The following ADAMTSL1 variants were observed in gnomAD, a reference collection of about 807,000 sequenced individuals.
The protein encoded by ADAMTSL1 is ADAMTS-like protein 1.
ADAMTSL1 carries 126 observed loss-of-function variants against 201.8 expected under a neutral mutation model. The ratio of observed to expected loss-of-function variants is 0.62; its 90% CI spans 0.54 to 0.72. The LOEUF (loss-of-function observed/expected upper bound fraction) is 0.72, where lower values mean the gene tolerates loss of function less well. Among genes scored for constraint, ADAMTSL1 ranks in the 30% least tolerant of loss-of-function variants. The pLI, the probability that ADAMTSL1 is intolerant of heterozygous loss-of-function variation, is 0.00. For synonymous variants in ADAMTSL1, 1,121 were observed against 903.4 expected, an observed-to-expected ratio of 1.24 and a Z score of -4.32; for missense variants, 2,679 against 2,277.8, an observed-to-expected ratio of 1.18 and a Z score of -3.59.
At chr9:18,195,584 T>C (rs1417870365) in intron 2 of ADAMTSL1, among the ~76,000 whole-genome samples, 2 of 152,166 alleles carry the variant, frequency 1.3e-5, no homozygotes, top group African/African-American at 2.4e-5. Flanking sequence ...GAAGAAGTAA[T>C]GATACATTTG....
chr9:18,571,455 T>A (rs1249031758), intron 3 of ADAMTSL1, among the ~76,000 whole-genome samples: 1 of 152,216 alleles, frequency 6.6e-6, no homozygotes, highest in African/African-American at 2.4e-5. Context: ...CAATGTACTC[T>A]ACTTCTTCTG....
chr9:18,163,504 C>T (rs946822123), intron 1 of ADAMTSL1, among the ~76,000 whole-genome samples: 3 of 151,830 alleles, frequency 2.0e-5, no homozygotes, highest in African/African-American at 7.3e-5. Context: ...AGGATTGATC[C>T]CTGTGGGTCC....
rs564480537 is a variant in ADAMTSL1, at chr9:17,947,977, G to C, written c.87+41055G>C. Among the ~76,000 whole-genome samples the C allele has an allele frequency of 3.3e-5, 5 of 152,206 alleles. No homozygotes were observed. The East Asian group carries it at 9.7e-4, about 29-fold the overall frequency. ...TTTGAAGCAGACATTGATGCTTCTT[G>C]GACAGATTGTGGTCATGTGGTCACT... is the stretch of plus-strand genomic sequence containing the variant. On this transcript the variant is annotated intron_variant, in intron 1 of 29. Transcript: ENST00000680146.
In ADAMTSL1 at chr9:18,869,367, A is replaced by G. The variant is rs144623801; in HGVS notation, c.4250-18464A>G. ...ACCCTTCCATGCTTTGCAGCTCACA[A>G]TGTGCCTCCAGGGAAATTGCAGAGC... is the stretch of plus-strand genomic sequence containing the variant. On this transcript the variant is annotated intron_variant, in intron 23 of 28. Coordinates refer to ENST00000380548, the MANE Select transcript of ADAMTSL1 (RefSeq NM_001040272.6). 8.7e-3 allele frequency among the ~76,000 whole-genome samples: 1,328 copies of G among 152,312 alleles called. 25 individuals carry two copies. Among genetic ancestry groups the G allele is most frequent in the African/African-American group, 0.03 (1,258 of 41,556 alleles).
intron 2 of ADAMTSL1, among the ~76,000 whole-genome samples, chr9:18,436,587 C>T (rs1819742662): frequency 6.6e-6 from 1 of 152,174 alleles, no homozygotes; most frequent in African/African-American, 2.4e-5. Flanking sequence ...AGTATGTCTC[C>T]AGTCCACTGC....
At chr9:18,155,643 A>G (rs1367302840) in intron 1 of ADAMTSL1, among the ~76,000 whole-genome samples, 6 of 152,066 alleles carry the variant, frequency 3.9e-5, no homozygotes, top group Non-Finnish European at 7.4e-5. Flanking sequence ...TGTGGCCTAG[A>G]GAAGCCAAAA....
chr9:18,218,649 C>A (rs1587335834), intron 2 of ADAMTSL1, among the ~76,000 whole-genome samples: 1 of 151,918 alleles, frequency 6.6e-6, no homozygotes, highest in African/African-American at 2.4e-5. Context: ...TATATGCATT[C>A]TTTAAATATT....
intron 2 of ADAMTSL1, among the ~76,000 whole-genome samples, chr9:18,514,388 G>T (rs111755345): frequency 0.097 from 14,061 of 145,210 alleles, 728 homozygotes; most frequent in Middle Eastern, 0.14. Context: ...GGAGTGCAGC[G>T]GCACTATCTC....
At chr9:18,195,065 T>C (rs1406732337) in intron 2 of ADAMTSL1, among the ~76,000 whole-genome samples, 1 of 152,134 alleles carries the variant, frequency 6.6e-6, no homozygotes, top group Non-Finnish European at 1.5e-5. Context: ...TTAAATGATA[T>C]ATGGGAACCC....
chr9:18,256,267 T>C (rs1831680179), intron 2 of ADAMTSL1, among the ~76,000 whole-genome samples: 1 of 152,146 alleles, frequency 6.6e-6, no homozygotes. Flanking sequence ...TCGTACAGGC[T>C]GGGACGTTTG....
At chr9:18,510,774 A>C (rs1284044810) in intron 2 of ADAMTSL1, among the ~76,000 whole-genome samples, 2 of 152,002 alleles carry the variant, frequency 1.3e-5, no homozygotes, top group Non-Finnish European at 1.5e-5. Context: ...ATTAGAAAAG[A>C]GACTATACCT....
intron 17 of ADAMTSL1, 148 bp from the exon 18 acceptor site, chr9:18,775,595 A>G (rs1820928162): frequency 3.7e-6 from 4 of 1,092,618 alleles, no homozygotes; most frequent in Non-Finnish European, 5.3e-6. Context: ...GGTCTTCCAC[A>G]TTGTGACCTC....
intron 2 of ADAMTSL1, among the ~76,000 whole-genome samples, chr9:18,396,972 G>A (rs1003878069): frequency 3.3e-5 from 5 of 149,436 alleles, no homozygotes; most frequent in South Asian, 4.2e-4. Context: ...TCTTTATATC[G>A]TAACATTGAT....
chr9:18,684,092 T>C (rs553842783), intron 12 of ADAMTSL1, among the ~76,000 whole-genome samples: 5 of 152,292 alleles, frequency 3.3e-5, no homozygotes, highest in African/African-American at 1.2e-4. Flanking sequence ...ACTAGGAAGT[T>C]TGTTTTGAAT....
chr9:18,447,491 A>C (rs1337514668), intron 2 of ADAMTSL1, among the ~76,000 whole-genome samples: 1 of 152,182 alleles, frequency 6.6e-6, no homozygotes, highest in African/African-American at 2.4e-5. Flanking sequence ...GAGACTTCAC[A>C]AATACCTCAG....
At chr9:18,029,762 G>T (rs1385147667) in intron 1 of ADAMTSL1, among the ~76,000 whole-genome samples, 8 of 152,160 alleles carry the variant, frequency 5.3e-5, no homozygotes, top group East Asian at 3.8e-4. Flanking sequence ...CTTCTCAAAA[G>T]AAGACATGTA....
intron 1 of ADAMTSL1, among the ~76,000 whole-genome samples, chr9:18,019,991 T>A (rs1431306950): frequency 6.6e-6 from 1 of 152,108 alleles, no homozygotes; most frequent in African/African-American, 2.4e-5. Context: ...TACTTCCATT[T>A]GAACACAAAT....
chr9:18,768,396 T>A (rs1820484644), intron 16 of ADAMTSL1, among the ~76,000 whole-genome samples: 1 of 150,180 alleles, frequency 6.7e-6, no homozygotes, highest in East Asian at 2.0e-4. Context: ...TGAATGGCAA[T>A]AAACAAATTC....
At chr9:18,184,990 T>A (rs1309090368) in intron 2 of ADAMTSL1, among the ~76,000 whole-genome samples, 1 of 152,188 alleles carries the variant, frequency 6.6e-6, no homozygotes, top group Non-Finnish European at 1.5e-5. Flanking sequence ...TGAATCTCCC[T>A]TCTCTGAAAT....
Sources: gnomAD v4.1 joint callset for allele counts (sites outside exome capture counted in the v4.1 genomes callset) on GRCh38, gnomAD v4.1.1 for gene constraint, MANE v1.5 for transcripts, NCBI Gene and HGNC (gene_info 2026-07-23, HGNC 2026-07-21) for gene names.